SLC24A3: variants seen among roughly 807,000 people sequenced by gnomAD.
SLC24A3 encodes the protein sodium/potassium/calcium exchanger 3.
A neutral mutation model predicts 75.8 loss-of-function variants in SLC24A3; 28 were observed. The observed-to-expected ratio is 0.37, with a 90% CI of 0.27 to 0.51. The LOEUF (loss-of-function observed/expected upper bound fraction) is 0.51. SLC24A3 is among the 20% of genes least tolerant of loss of function. The pLI is 0.94. For synonymous variants in SLC24A3, 372 were observed against 334.1 expected, an observed-to-expected ratio of 1.11 and a Z score of -1.24; for missense variants, 663 against 847.8, an observed-to-expected ratio of 0.78 and a Z score of 2.71.
chr20:19,705,863 C>T (rs2032924682), intron 15 of SLC24A3, among the ~76,000 whole-genome samples: 1 of 152,186 alleles, frequency 6.6e-6, no homozygotes, highest in Non-Finnish European at 1.5e-5. Context: ...CTGTGGCTTG[C>T]TCAGAAGGCA....
intron 8 of SLC24A3, among the ~76,000 whole-genome samples, chr20:19,670,912 C>T (rs1180492794): frequency 1.3e-5 from 2 of 152,048 alleles, no homozygotes; most frequent in African/African-American, 2.4e-5. Context: ...AATCAGTTGT[C>T]GGCATTTTAA....
At chr20:19,544,059 C>A (rs1028227930) in intron 3 of SLC24A3, among the ~76,000 whole-genome samples, 4 of 152,194 alleles carry the variant, frequency 2.6e-5, no homozygotes, top group Non-Finnish European at 5.9e-5. Flanking sequence ...TTTGTTACTG[C>A]AGTCATACTT....
At chr20:19,711,572 G>T (rs1222470487) in intron 15 of SLC24A3, among the ~76,000 whole-genome samples, 1 of 151,778 alleles carries the variant, frequency 6.6e-6, no homozygotes, top group Admixed American at 6.5e-5. Flanking sequence ...ACGCACACAC[G>T]TGCATGCTCA....
At chr20:19,222,234 T>G (rs1981734634) in intron 1 of SLC24A3, among the ~76,000 whole-genome samples, 1 of 152,132 alleles carries the variant, frequency 6.6e-6, no homozygotes, top group African/African-American at 2.4e-5. Flanking sequence ...GTAGTAGTAT[T>G]GAGGTTTTCT....
At chr20:19,227,181 T>A (rs1444222980) in intron 1 of SLC24A3, among the ~76,000 whole-genome samples, 1 of 152,248 alleles carries the variant, frequency 6.6e-6, no homozygotes, top group African/African-American at 2.4e-5. Flanking sequence ...AAAGATGGTG[T>A]CCCGTTGGTT....
chr20:19,474,953 G>A (rs1987937861), intron 2 of SLC24A3, among the ~76,000 whole-genome samples: 1 of 152,146 alleles, frequency 6.6e-6, no homozygotes, highest in African/African-American at 2.4e-5. Flanking sequence ...ACTGTTTGAT[G>A]TGGAAGGAAA....
chr20:19,534,948 A>T (rs1043608295), intron 3 of SLC24A3, among the ~76,000 whole-genome samples: 1 of 152,260 alleles, frequency 6.6e-6, no homozygotes, highest in African/African-American at 2.4e-5. Flanking sequence ...CTAACTTACT[A>T]TGTATTTTCT....
chr20:19,238,240 C>T (rs1982225084), intron 1 of SLC24A3, among the ~76,000 whole-genome samples: 1 of 152,154 alleles, frequency 6.6e-6, no homozygotes, highest in South Asian at 2.1e-4. Flanking sequence ...TGTTCTTGTG[C>T]CGTTTGTCAT....
intron 1 of SLC24A3, among the ~76,000 whole-genome samples, chr20:19,262,791 T>G (rs938900711): frequency 6.6e-6 from 1 of 152,214 alleles, no homozygotes; most frequent in Non-Finnish European, 1.5e-5. Context: ...CTGCTCTTGC[T>G]CTTACGATTA....
chr20:19,544,761 A>G lies in SLC24A3; in HGVS notation c.348+29197A>G, dbSNP rs551762643. Among the ~76,000 whole-genome samples, 8 of 152,336 alleles carry G rather than the reference A, an allele frequency of 5.3e-5. No homozygotes were observed. In the South Asian group the frequency reaches 1.7e-3, roughly 32 times the overall value. ...TTTCTCTCTCCACATTGGATCCAAG[A>G]TGGCAGTTGGCAAAATGGACCTGAC... On this transcript the variant is annotated intron_variant, in intron 3 of 16. Coordinates refer to ENST00000328041, the MANE Select transcript of SLC24A3 (RefSeq NM_020689.4).
rs1046411211 is a variant in SLC24A3 at position 19,627,694 on chromosome 20, A to G, written c.613-26368A>G. ...ATTATTTTAATTGTTCCACTACATT[A>G]ATTAATGGAAGGAGGAACACCATGG... On this transcript the variant is annotated intron_variant, in intron 6 of 16. Coordinates refer to ENST00000328041, the MANE Select transcript of SLC24A3 (RefSeq NM_020689.4). Among the ~76,000 whole-genome samples the G allele has an allele frequency of 2.6e-5, 4 of 152,234 alleles. No individual in the cohort carries two copies. In the South Asian group the frequency reaches 6.2e-4, roughly 24 times the overall value.
intron 15 of SLC24A3, among the ~76,000 whole-genome samples, chr20:19,716,572 G>T (rs2033049179): frequency 6.6e-6 from 1 of 151,920 alleles, no homozygotes; most frequent in Non-Finnish European, 1.5e-5. Context: ...TCCAAGGCTG[G>T]GTGCAGTGTC....
chr20:19,637,709 A>G (rs2032018281), intron 6 of SLC24A3, among the ~76,000 whole-genome samples: 1 of 152,212 alleles, frequency 6.6e-6, no homozygotes. Flanking sequence ...TGTTGACAAT[A>G]TAAGAATCAA....
In SLC24A3 at chr20:19,698,596, C is replaced by A; in HGVS notation, c.1635C>A (p.Ser545=). The part of the protein sequence containing the change: ...QGMGDMAVSN[S]IGSNVFDILI... Reference sequence around the variant, plus strand: ...TGGGGGACATGGCTGTGTCCAACTCCATTGGGAGCAACGTGTTTGACATCC... The same window carrying A: ...TGGGGGACATGGCTGTGTCCAACTCAATTGGGAGCAACGTGTTTGACATCC... Residue 545 remains serine (S), a synonymous_variant, in exon 15 of 17, where the codon TCC becomes TCA. Coordinates refer to ENST00000328041, the MANE Select transcript of SLC24A3 (RefSeq NM_020689.4). 6.3e-7 allele frequency: 1 copy of A among 1,591,510 alleles called. No homozygotes were observed. Among genetic ancestry groups the A allele is most frequent in the East Asian group, 2.3e-5 (1 of 44,104 alleles).
chr20:19,611,179 A>G (rs552296145), intron 6 of SLC24A3, among the ~76,000 whole-genome samples: 2 of 152,304 alleles, frequency 1.3e-5, no homozygotes, highest in African/African-American at 4.8e-5. Flanking sequence ...AGGTCTCATC[A>G]ATGCACTCAA....
intron 8 of SLC24A3, among the ~76,000 whole-genome samples, chr20:19,666,597 A>G (rs1249526041): frequency 6.6e-6 from 1 of 152,120 alleles, no homozygotes; most frequent in Admixed American, 6.5e-5. Context: ...CACTTCTGTG[A>G]CCATTAATCC....
intron 7 of SLC24A3, among the ~76,000 whole-genome samples, chr20:19,655,740 T>C (rs894150874): frequency 3.9e-4 from 60 of 152,088 alleles, no homozygotes; most frequent in African/African-American, 1.4e-3. Flanking sequence ...GTGCTCCAGG[T>C]TCTTGGGCCT....
intron 8 of SLC24A3, among the ~76,000 whole-genome samples, chr20:19,668,784 A>G (rs1600330531): frequency 6.6e-6 from 1 of 152,132 alleles, no homozygotes; most frequent in South Asian, 2.1e-4. Context: ...TTGAATACAT[A>G]CTGGTGTATT....
chr20:19,492,423 G>A (rs1988222287), intron 2 of SLC24A3, among the ~76,000 whole-genome samples: 1 of 152,220 alleles, frequency 6.6e-6, no homozygotes, highest in African/African-American at 2.4e-5. Flanking sequence ...AGGACCATTT[G>A]AGACAACGCA....
Sources: allele counts gnomAD v4.1 joint callset (sites outside exome capture counted in the v4.1 genomes callset), GRCh38; gene constraint gnomAD v4.1.1; transcripts MANE v1.5; gene names NCBI Gene and HGNC (gene_info 2026-07-23, HGNC 2026-07-21).